FOXN1: variants seen among roughly 807,000 people sequenced by gnomAD.
FOXN1 encodes forkhead box protein N1.
FOXN1 carries 15 observed loss-of-function variants against 49.0 expected under a neutral mutation model. That is an observed-to-expected ratio of 0.31 (90% CI 0.20 to 0.47). FOXN1 has a LOEUF of 0.47. Among genes scored for constraint, FOXN1 ranks in the 20% least tolerant of loss-of-function variants. The pLI, the probability that FOXN1 is intolerant of heterozygous loss-of-function variation, is 1.00. For synonymous variants in FOXN1, 356 were observed against 369.0 expected (o/e 0.96, Z 0.40); for missense variants, 800 against 842.8 (o/e 0.95, Z 0.63).
intron 5 of FOXN1, among the ~76,000 whole-genome samples, chr17:28,529,788 T>C (rs2069864005): frequency 6.6e-6 from 1 of 151,964 alleles, no homozygotes; most frequent in South Asian, 2.1e-4. Context: ...AGGCCCTACA[T>C]GGGATCGGGT....
At chr17:28,510,174 G>A (rs115767916) in intron 1 of FOXN1, among the ~76,000 whole-genome samples, 196 of 152,220 alleles carry the variant, frequency 1.3e-3, no homozygotes, top group African/African-American at 4.5e-3. Context: ...CTCACAGGAG[G>A]ATGCACTGTC....
chr17:28,523,314 C>T (rs1374005909), intron 1 of FOXN1, among the ~76,000 whole-genome samples: 1 of 152,172 alleles, frequency 6.6e-6, no homozygotes, highest in Admixed American at 6.5e-5. Context: ...CGTCAGGGCC[C>T]GCTGGGCTCA....
rs553895612 is a variant in FOXN1, at chr17:28,534,631, G to T, written c.1136-76G>T. 3 of 1,604,614 alleles carry T rather than the reference G, an allele frequency of 1.9e-6. No homozygotes were observed. The highest frequency in any genetic ancestry group is 2.7e-5 in the African/African-American group (2 of 74,302). ...GAATCAGAGAATGAGGCAAGGCCCCGAGTAAGGGTTCCAGTCTGGGGAAGA... is the reference window on the plus strand; with the variant it reads ...GAATCAGAGAATGAGGCAAGGCCCCTAGTAAGGGTTCCAGTCTGGGGAAGA... On this transcript the variant is annotated intron_variant, in intron 7 of 8. Coordinates refer to ENST00000579795, the MANE Select transcript of FOXN1 (RefSeq NM_001369369.1). This position sits in a 1 kb window ranked among gnomAD's most constrained non-coding sequence, Gnocchi z 4.1.
At chr17:28,513,289 C>A (rs61704768) in intron 1 of FOXN1, among the ~76,000 whole-genome samples, 29,307 of 152,130 alleles carry the variant, frequency 0.19, 2,917 homozygotes, top group Middle Eastern at 0.24. Flanking sequence ...ACAAAAAAAA[C>A]CAGAATAAAC....
intron 6 of FOXN1, 46 bp downstream of exon 6, chr17:28,530,891 C>A: frequency 9.5e-7 from 1 of 1,052,324 alleles, no homozygotes; most frequent in Non-Finnish European, 1.5e-6. Context: ...AAGTCCTGGA[C>A]AGGCCAGGCC....
chr17:28,524,660 C>T lies in FOXN1; in HGVS notation c.281C>T (p.Ser94Leu), dbSNP rs2069723230. Residue 94 changes from serine (S) to leucine (L), a missense_variant, in exon 3 of 9, where the codon TCA becomes TTA. Around this residue, in one of 3 missense-constraint regions of FOXN1, gnomAD observed 383 missense variants for 357.9 expected, o/e 1.07. Transcript: ENST00000579795. ...CCCGGCCCTGGGCCCTTCAGGCTCT[C>T]ACCCTCAGACAAGTATCCTGGCTTT... is the stretch of plus-strand genomic sequence containing the variant. ...AGPGPGPFRL[S>L]PSDKYPGFGF... is the part of the protein sequence containing the mutation. 6.2e-7 allele frequency: 1 copy of T among 1,613,688 alleles called. No individual in the cohort carries two copies. Among genetic ancestry groups the T allele is most frequent in the Non-Finnish European group, 8.5e-7 (1 of 1,179,932 alleles).
chr17:28,509,186 A>G lies in FOXN1; in HGVS notation c.-15+2743A>G, dbSNP rs549853681. Among the ~76,000 whole-genome samples, 14 of 151,368 alleles carry G rather than the reference A, an allele frequency of 9.2e-5. No individual in the cohort carries two copies. The East Asian group carries it at 2.7e-3, about 30-fold the overall frequency. Reference sequence around the variant, plus strand: ...GGGTCTTTCCAGCTTATTCATCTCCATCCCCTGCCCCTCCCTCCCTCTCTG... The same window carrying G: ...GGGTCTTTCCAGCTTATTCATCTCCGTCCCCTGCCCCTCCCTCCCTCTCTG... On this transcript the variant is annotated intron_variant, in intron 1 of 8. Transcript: ENST00000579795.
At chr17:28,523,833 A>T (rs953903440) in intron 1 of FOXN1, 123 bp from the exon 2 acceptor site, 2 of 689,818 alleles carry the variant, frequency 2.9e-6, no homozygotes, top group Non-Finnish European at 2.5e-6. Context: ...TCTCTCTCTC[A>T]TCAGATGGCT....
intron 1 of FOXN1, among the ~76,000 whole-genome samples, chr17:28,509,513 G>A (rs1490474487): frequency 1.3e-5 from 2 of 152,172 alleles, no homozygotes; most frequent in African/African-American, 4.8e-5. Context: ...TCCCCGCCAG[G>A]TTCTGGGGTG....
intron 4 of FOXN1, 127 bp from the exon 5 acceptor site, chr17:28,528,967 G>A: frequency 8.0e-7 from 1 of 1,247,430 alleles, no homozygotes; most frequent in Non-Finnish European, 1.2e-6. Flanking sequence ...GGGGTGATGG[G>A]GCCCATGACC....
intron 1 of FOXN1, among the ~76,000 whole-genome samples, chr17:28,520,540 TC>T (rs1274334730): frequency 6.6e-6 from 1 of 152,202 alleles, no homozygotes; most frequent in African/African-American, 2.4e-5. Context: ...GGGGTGGGCC[TC>T]TGAACTCTGC....
At chr17:28,529,483 T>C (rs2069854438) in intron 5 of FOXN1, among the ~76,000 whole-genome samples, 1 of 152,176 alleles carries the variant, frequency 6.6e-6, no homozygotes, top group African/African-American at 2.4e-5. Flanking sequence ...GTGATGAGCC[T>C]GCCAAGGTCT....
At chr17:28,507,709 G>A (rs542127012) in intron 1 of FOXN1, among the ~76,000 whole-genome samples, 5 of 152,332 alleles carry the variant, frequency 3.3e-5, no homozygotes, top group East Asian at 1.9e-4. Context: ...TCGGATCCGA[G>A]GGCGGCGTTG....
At chr17:28,521,344 G>A (rs2069636388) in intron 1 of FOXN1, among the ~76,000 whole-genome samples, 2 of 152,290 alleles carry the variant, frequency 1.3e-5, no homozygotes, top group East Asian at 1.9e-4. Flanking sequence ...AAGGGCCCTC[G>A]GCCTCCCATT....
In FOXN1 at chr17:28,534,660, T is replaced by C. The variant is rs760482494; in HGVS notation, c.1136-47T>C. The stretch of plus-strand genomic sequence containing the variant: ...AAGGGTTCCAGTCTGGGGAAGACTG[T>C]GGAGGAGGGAGGTCTCATGGTGTTC... On this transcript the variant is annotated intron_variant, in intron 7 of 8. Transcript: ENST00000579795. This position sits in a 1 kb window ranked among gnomAD's most constrained non-coding sequence, Gnocchi z 4.1. 33 of 1,611,818 alleles carry C rather than the reference T, an allele frequency of 2.0e-5. No homozygotes were observed. Among genetic ancestry groups the C allele is most frequent in the Non-Finnish European group, 2.7e-5 (32 of 1,179,456 alleles).
chr17:28,537,662 C>T lies in FOXN1; in HGVS notation c.*226C>T, dbSNP rs905960024. 11 of 615,078 alleles carry T rather than the reference C, an allele frequency of 1.8e-5. No homozygotes were observed. The highest frequency in any genetic ancestry group is 5.5e-5 in the East Asian group (2 of 36,110). The allele number at this position is 615,078 out of a possible 1,614,324, so 38.1% of individuals were successfully genotyped here. A position where few individuals can be genotyped will look rare whatever the true frequency, so the allele number is the denominator to read the frequency against. ...TGGTGGCCCAGCTCCTCACCCAGGGCCCCCAAAGAGCAAGCGTCTGGGCAA... is the reference window on the plus strand; with the variant it reads ...TGGTGGCCCAGCTCCTCACCCAGGGTCCCCAAAGAGCAAGCGTCTGGGCAA... On this transcript the variant is annotated 3_prime_UTR_variant, in exon 9 of 9. Coordinates refer to ENST00000579795, the MANE Select transcript of FOXN1 (RefSeq NM_001369369.1).
Position 28,534,699 on chromosome 17 carries a change from C to T in FOXN1, c.1136-8C>T, listed in dbSNP as rs2070008660. On this transcript the variant is annotated splice_region_variant and splice_polypyrimidine_tract_variant and intron_variant, in intron 7 of 8. Transcript: ENST00000579795. The surrounding 1 kb of genome is among the most constrained non-coding windows in gnomAD (Gnocchi z 4.1). ...CTCATGGTGTTCTTTCTCTCTTGGGCCTTTCAGAAGAGCTGGACAGCCTCA... is the reference window on the plus strand; with the variant it reads ...CTCATGGTGTTCTTTCTCTCTTGGGTCTTTCAGAAGAGCTGGACAGCCTCA... 1 of 1,613,232 alleles carries T rather than the reference C, an allele frequency of 6.2e-7. No homozygotes were observed. The highest frequency in any genetic ancestry group is 8.5e-7 in the Non-Finnish European group (1 of 1,179,878).
chr17:28,523,194 G>C (rs1470423803), intron 1 of FOXN1, among the ~76,000 whole-genome samples: 1 of 152,230 alleles, frequency 6.6e-6, no homozygotes, highest in African/African-American at 2.4e-5. Context: ...GTCTTCATGG[G>C]GAAACTGAAG....
At chr17:28,515,367 T>C (rs1210771651) in intron 1 of FOXN1, among the ~76,000 whole-genome samples, 3 of 149,754 alleles carry the variant, frequency 2.0e-5, no homozygotes, top group Admixed American at 6.6e-5. Flanking sequence ...CACCCCTTCA[T>C]AGGTGTACAC....
Sources: allele counts gnomAD v4.1 joint callset (sites outside exome capture counted in the v4.1 genomes callset), GRCh38; gene constraint gnomAD v4.1.1; regional missense constraint gnomAD v4.1.1; non-coding constraint Gnocchi (gnomAD v3.1); transcripts MANE v1.5; gene names NCBI Gene and HGNC (gene_info 2026-07-23, HGNC 2026-07-21).